RORA: variants seen among roughly 807,000 people sequenced by gnomAD.
RORA encodes the protein nuclear receptor ROR-alpha.
In RORA, 7 loss-of-function variants were observed where a neutral mutation model predicts 69.5. That is an observed-to-expected ratio of 0.10 (90% CI 0.06 to 0.19). The LOEUF is 0.19. Ranked by LOEUF, RORA falls within the 10% of genes least tolerant of loss-of-function variation. RORA has a pLI of 1.00. For synonymous variants in RORA, 261 were observed against 240.8 expected, an observed-to-expected ratio of 1.08 and a Z score of -0.78; for missense variants, 457 against 663.0, an observed-to-expected ratio of 0.69 and a Z score of 3.41.
intron 1 of RORA, among the ~76,000 whole-genome samples, chr15:60,902,940 T>C (rs909116659): frequency 6.6e-6 from 1 of 152,242 alleles, no homozygotes; most frequent in Non-Finnish European, 1.5e-5. Flanking sequence ...TATTAGCTCC[T>C]AATTGAGGAT....
At chr15:60,520,987 A>G (rs1180991401) in intron 3 of RORA, among the ~76,000 whole-genome samples, 1 of 152,172 alleles carries the variant, frequency 6.6e-6, no homozygotes, top group Non-Finnish European at 1.5e-5. Context: ...ATTACCATGC[A>G]GCTATTGCAA....
intron 1 of RORA, among the ~76,000 whole-genome samples, chr15:61,009,569 T>C (rs112081311): frequency 3.9e-5 from 6 of 152,356 alleles, no homozygotes; most frequent in African/African-American, 1.2e-4. Flanking sequence ...TTAATTCAGA[T>C]AGATCGTCTT....
chr15:60,790,297 G>A (rs1274827815), intron 1 of RORA, among the ~76,000 whole-genome samples: 1 of 152,184 alleles, frequency 6.6e-6, no homozygotes, highest in Non-Finnish European at 1.5e-5. Flanking sequence ...TATTTTAAAT[G>A]TGTCCACTCA....
At chr15:61,154,217 C>G (rs1307336910) in intron 1 of RORA, among the ~76,000 whole-genome samples, 1 of 152,078 alleles carries the variant, frequency 6.6e-6, no homozygotes, top group Non-Finnish European at 1.5e-5. Context: ...GACTGACATT[C>G]TTTTTCTTGG....
chr15:60,818,533 C>T (rs2072847507), intron 1 of RORA, among the ~76,000 whole-genome samples: 1 of 152,178 alleles, frequency 6.6e-6, no homozygotes, highest in African/African-American at 2.4e-5. Context: ...TTGAATCCCA[C>T]CTTGCCCATT....
chr15:60,867,961 C>A (rs1424445885), intron 1 of RORA, among the ~76,000 whole-genome samples: 1 of 152,170 alleles, frequency 6.6e-6, no homozygotes, highest in Non-Finnish European at 1.5e-5. Context: ...ATTTTACTTA[C>A]ACGTTCCCTG....
chr15:60,812,108 C>A (rs183802443), intron 1 of RORA, among the ~76,000 whole-genome samples: 2 of 152,294 alleles, frequency 1.3e-5, no homozygotes, highest in Admixed American at 1.3e-4. Flanking sequence ...CTCTGCTTCC[C>A]TTTGTTTGAC....
At chr15:61,093,813 G>T (rs1006439085) in intron 1 of RORA, among the ~76,000 whole-genome samples, 1 of 152,180 alleles carries the variant, frequency 6.6e-6, no homozygotes, top group Admixed American at 6.5e-5. Context: ...AGGTCTACAA[G>T]TAGTTGTTAC....
At chr15:61,184,646 T>A (rs1182724327) in intron 1 of RORA, among the ~76,000 whole-genome samples, 1 of 152,154 alleles carries the variant, frequency 6.6e-6, no homozygotes, top group African/African-American at 2.4e-5. Context: ...GTACTTGGCA[T>A]ACAGTCAGCC....
chr15:60,837,963 C>T (rs914950494), intron 1 of RORA, among the ~76,000 whole-genome samples: 7 of 152,068 alleles, frequency 4.6e-5, no homozygotes, highest in Admixed American at 3.3e-4. Flanking sequence ...GCAGAGAAAA[C>T]GTCTGAAAAT....
At chr15:61,074,153 C>T (rs1040054563) in intron 1 of RORA, among the ~76,000 whole-genome samples, 1 of 152,166 alleles carries the variant, frequency 6.6e-6, no homozygotes, top group Non-Finnish European at 1.5e-5. Flanking sequence ...CACCATCATG[C>T]CAACACACTT....
At chr15:61,107,161 C>T (rs2078959439) in intron 1 of RORA, among the ~76,000 whole-genome samples, 1 of 152,136 alleles carries the variant, frequency 6.6e-6, no homozygotes, top group African/African-American at 2.4e-5. Flanking sequence ...CCGTGCTCTG[C>T]TTGTTTCTAA....
chr15:60,740,715 A>G (rs1036267914), intron 1 of RORA, among the ~76,000 whole-genome samples: 1 of 152,182 alleles, frequency 6.6e-6, no homozygotes, highest in African/African-American at 2.4e-5. Context: ...GTTAACTTTT[A>G]AAAAAATGTG....
intron 1 of RORA, among the ~76,000 whole-genome samples, chr15:61,109,754 T>C (rs1019642253): frequency 2.0e-5 from 3 of 152,210 alleles, no homozygotes; most frequent in African/African-American, 7.2e-5. Context: ...ATTATTTCCT[T>C]GCTATGTTAC....
At chr15:60,809,944 C>G (rs1261631209) in intron 1 of RORA, among the ~76,000 whole-genome samples, 2 of 152,118 alleles carry the variant, frequency 1.3e-5, no homozygotes, top group Non-Finnish European at 2.9e-5. Context: ...GCTATTTCCC[C>G]AGGATCCTGC....
intron 4 of RORA, among the ~76,000 whole-genome samples, chr15:60,514,325 C>A (rs1009336445): frequency 1.3e-5 from 2 of 152,076 alleles, no homozygotes; most frequent in Non-Finnish European, 2.9e-5. Context: ...GTCAATCGAC[C>A]CACCTATAAT....
At chr15:60,777,458 C>G (rs541058548) in intron 1 of RORA, among the ~76,000 whole-genome samples, 1 of 152,276 alleles carries the variant, frequency 6.6e-6, no homozygotes, top group South Asian at 2.1e-4. Context: ...TGATTCAACT[C>G]AAATATTTAA....
chr15:61,151,428 G>T (rs73434617), intron 1 of RORA, among the ~76,000 whole-genome samples: 1,589 of 152,188 alleles, frequency 0.01, 20 homozygotes, highest in African/African-American at 0.036. Context: ...CTTTTCTTTT[G>T]GAAAGATATG....
chr15:60,809,464 C>T (rs951400417), intron 1 of RORA, among the ~76,000 whole-genome samples: 19 of 152,216 alleles, frequency 1.2e-4, no homozygotes, highest in African/African-American at 3.9e-4. Flanking sequence ...AGGGCAACCA[C>T]TTTCAACTTC....
Sources: gnomAD v4.1 joint callset for allele counts (sites outside exome capture counted in the v4.1 genomes callset) on GRCh38, gnomAD v4.1.1 for gene constraint, MANE v1.5 for transcripts, NCBI Gene and HGNC (gene_info 2026-07-23, HGNC 2026-07-21) for gene names.